The following SYNE2 variants were observed in gnomAD, a reference collection of about 807,000 sequenced individuals.
SYNE2 encodes the protein spectrin repeat containing nuclear envelope protein 2.
In SYNE2, 431 loss-of-function variants were observed where a neutral mutation model predicts 856.3. The ratio of observed to expected loss-of-function variants is 0.50; its 90% CI spans 0.47 to 0.55. SYNE2 has a LOEUF of 0.55. Ranked by LOEUF, SYNE2 falls within the 20% of genes least tolerant of loss-of-function variation. The pLI is 0.00. For missense variants in SYNE2, 8,129 were observed against 8,023.2 expected (o/e 1.01, Z -0.50); for synonymous variants, 2,923 against 2,872.3 (o/e 1.02, Z -0.56).
At position 64,165,378 on chromosome 14, in the gene SYNE2, C is replaced by A. The variant is rs200509927; in HGVS notation, c.16573C>A (p.Gln5525Lys). Residue 5525 changes from glutamine to lysine, a missense_variant, in exon 90 of 116, where the codon CAA becomes AAA. Transcript: ENST00000555002. The part of the protein sequence containing the change: ...HEEENLDRLH[Q>K]QEKENPDSFL... ...AGAAGAGAATTTGGATAGACTTCAC[C>A]AACAGGAAAAAGAAAATCCTGACTC... The A allele has an allele frequency of 3.5e-5, 56 of 1,613,618 alleles. 1 individual carries two copies. The South Asian group carries it at 5.5e-4, about 16-fold the overall frequency.
chr14:63,783,804 G>T (rs1566563961), intron 1 of SYNE2, among the ~76,000 whole-genome samples: 1 of 152,148 alleles, frequency 6.6e-6, no homozygotes, highest in Non-Finnish European at 1.5e-5. Context: ...TCCTGGCTTG[G>T]ATCCTGGACA....
chr14:64,041,067 T>C (rs559253535), intron 45 of SYNE2, among the ~76,000 whole-genome samples: 74 of 152,300 alleles, frequency 4.9e-4, no homozygotes, highest in Non-Finnish European at 9.7e-4. Flanking sequence ...TTCAAGGAAC[T>C]GTCAACCTAA....
chr14:63,948,782 G>GTGTGTGTGTGTCTATA (rs1454688156), intron 6 of SYNE2, among the ~76,000 whole-genome samples: 1 of 43,906 alleles, frequency 2.3e-5, no homozygotes, highest in African/African-American at 8.1e-5. Context: ...ATGTGTGTGT[G>GTGTGTGTGTGTCTATA]TATATATATA....
At chr14:63,862,746 G>C (rs1379741243) in intron 1 of SYNE2, among the ~76,000 whole-genome samples, 1 of 151,542 alleles carries the variant, frequency 6.6e-6, no homozygotes, top group African/African-American at 2.4e-5. Context: ...TAGATATTAG[G>C]TTTTGGGGCA....
At chr14:64,100,859 G>A (rs904345663) in intron 63 of SYNE2, among the ~76,000 whole-genome samples, 4 of 148,504 alleles carry the variant, frequency 2.7e-5, no homozygotes, top group African/African-American at 5.0e-5. Context: ...CTGCTTCTAT[G>A]AGTTTTTTTT....
At position 64,052,811 on chromosome 14, in the gene SYNE2, A is replaced by G. The variant is rs1218292681; in HGVS notation, c.8898A>G (p.Glu2966=). The G allele has an allele frequency of 1.9e-6, 3 of 1,612,632 alleles. No homozygotes were observed. The highest frequency in any genetic ancestry group is 4.5e-5 in the East Asian group (2 of 44,874). ...AGGCTGACAGTATACAGCGCAATGA[A>G]CTATTACTTAATCAAGAAGTAAATA... ...QEEADSIQRN[E]LLLNQEVNKG... Residue 2966 remains glutamate (E), a synonymous_variant, in exon 48 of 116, where the codon GAA becomes GAG. Transcript: ENST00000555002.
At chr14:64,035,923 T>C (rs1242865262) in intron 45 of SYNE2, among the ~76,000 whole-genome samples, 3 of 151,676 alleles carry the variant, frequency 2.0e-5, no homozygotes, top group African/African-American at 4.8e-5. Flanking sequence ...AGGGTAGTCT[T>C]GAAGTTATCT....
chr14:63,945,430 C>G (rs941072047), intron 6 of SYNE2, among the ~76,000 whole-genome samples: 2 of 152,070 alleles, frequency 1.3e-5, no homozygotes, highest in Admixed American at 6.6e-5. Flanking sequence ...TGTACTCTTT[C>G]GTGTTTGACT....
At chr14:64,134,325 C>A in intron 78 of SYNE2, 125 bp downstream of exon 78, 1 of 992,744 alleles carries the variant, frequency 1.0e-6, no homozygotes, top group Non-Finnish European at 1.6e-6. Flanking sequence ...ATACAACTCA[C>A]TGTTGAATGT....
chr14:64,146,274 T>C (rs898066020), intron 84 of SYNE2, 51 bp downstream of exon 84: 5 of 1,540,226 alleles, frequency 3.2e-6, no homozygotes, highest in Non-Finnish European at 4.4e-6. Context: ...GGTGATTCGG[T>C]CACCTCTCTT....
chr14:63,873,785 G>A (rs1425291852), intron 1 of SYNE2: 1 of 152,186 alleles, frequency 6.6e-6, no homozygotes, highest in East Asian at 1.9e-4. Context: ...CTTCCTCACT[G>A]AACTGTGGAT....
At chr14:64,026,166 T>C (rs2096976731) in intron 41 of SYNE2, among the ~76,000 whole-genome samples, 1 of 152,168 alleles carries the variant, frequency 6.6e-6, no homozygotes. Context: ...AATTATGTCA[T>C]GGTAGAGAAA....
At chr14:64,074,562 A>G (rs2097441615) in intron 53 of SYNE2, among the ~76,000 whole-genome samples, 1 of 152,214 alleles carries the variant, frequency 6.6e-6, no homozygotes, top group South Asian at 2.1e-4. Flanking sequence ...ATTCCAGTCC[A>G]ATAGTGACAG....
chr14:64,000,261 A>G (rs542911297), intron 27 of SYNE2, among the ~76,000 whole-genome samples: 2 of 152,320 alleles, frequency 1.3e-5, no homozygotes, highest in South Asian at 4.1e-4. Flanking sequence ...TCTTACATGT[A>G]TGTATTTTTC....
chr14:63,789,205 C>G (rs1334012537), intron 1 of SYNE2, among the ~76,000 whole-genome samples: 2 of 152,148 alleles, frequency 1.3e-5, no homozygotes, highest in Non-Finnish European at 2.9e-5. Context: ...AGAAATCCCT[C>G]TTGGTGCCTA....
chr14:63,818,917 C>T (rs1889109746), intron 1 of SYNE2, among the ~76,000 whole-genome samples: 1 of 151,900 alleles, frequency 6.6e-6, no homozygotes, highest in African/African-American at 2.4e-5. Context: ...CCAGGATGGT[C>T]TCGATCTCCT....
chr14:63,851,648 A>G (rs1890465062), upstream of SYNE2, among the ~76,000 whole-genome samples: 2 of 152,200 alleles, frequency 1.3e-5, no homozygotes, highest in Admixed American at 1.3e-4. Flanking sequence ...TACAACTTAC[A>G]ACTAATTTTT....
intron 92 of SYNE2, 89 bp downstream of exon 92, chr14:64,167,728 C>G: frequency 1.3e-6 from 2 of 1,534,790 alleles, no homozygotes; most frequent in Non-Finnish European, 1.8e-6. Context: ...AGGGAGTGTA[C>G]CTATCAGTCC....
intron 1 of SYNE2, among the ~76,000 whole-genome samples, chr14:63,781,000 G>A (rs1023458229): frequency 2.0e-5 from 3 of 152,130 alleles, no homozygotes; most frequent in African/African-American, 7.2e-5. Context: ...TTGGACACCA[G>A]GCACGGTGGC....
Sources: allele counts gnomAD v4.1 joint callset (sites outside exome capture counted in the v4.1 genomes callset), GRCh38; gene constraint gnomAD v4.1.1; transcripts MANE v1.5; gene names NCBI Gene and HGNC (gene_info 2026-07-23, HGNC 2026-07-21).